The following PURB variants were observed in gnomAD, a reference collection of about 807,000 sequenced individuals.
PURB encodes the protein transcriptional regulator protein Pur-beta.
Under a neutral mutation model 21.1 loss-of-function variants are expected in PURB, and 11 were observed. That is an observed-to-expected ratio of 0.52 (90% CI 0.33 to 0.86). The LOEUF is 0.86. Among genes scored for constraint, PURB ranks in the 40% least tolerant of loss-of-function variants. PURB has a pLI of 0.02. For missense variants in PURB, 357 were observed against 456.5 expected (o/e 0.78, Z 1.99); for synonymous variants, 246 against 210.8 (o/e 1.17, Z -1.45).
Position 44,885,285 on chromosome 7 carries a change from C to G in PURB, c.64G>C (p.Ala22Pro). The G allele has an allele frequency of 1.3e-6, 2 of 1,531,616 alleles. No individual in the cohort carries two copies. The highest frequency in any genetic ancestry group is 1.7e-6 in the Non-Finnish European group (2 of 1,150,364). The allele number at this position is 1,531,616 out of a possible 1,614,324, so 94.9% of individuals were successfully genotyped here. A position where few individuals can be genotyped will look rare whatever the true frequency, so the allele number is the denominator to read the frequency against. Residue 22 changes from alanine (A) to proline (P), a missense_variant, in exon 1 of 1, where the codon GCG becomes CCG. Transcript: ENST00000395699. ...GGGGPCGFQP[A>P]SRGGGEQETQ... ...TCTTGCTCGCCGCCGCCGCGGGACG[C>G]GGGCTGGAACCCGCACGGCCCACCG...
Position 44,885,163 on chromosome 7 carries a change from G to A in PURB, c.186C>T (p.Ala62=), listed in dbSNP as rs550671105. The A allele has an allele frequency of 1.6e-5, 26 of 1,582,220 alleles. No homozygotes were observed. In the East Asian group the frequency reaches 5.2e-4, roughly 32 times the overall value. Residue 62 remains alanine (A), a synonymous_variant, in exon 1 of 1, where the codon GCC becomes GCT. Coordinates refer to ENST00000395699, the MANE Select transcript of PURB (RefSeq NM_033224.5). ...QNAKGRFLKI[A]EVGAGGSKSR... is the part of the protein sequence containing the mutation. ...TCTTGGAACCGCCCGCGCCCACCTC[G>A]GCGATCTTGAGGAAGCGGCCCTTGG...
In PURB at chr7:44,885,393, C is replaced by T; in HGVS notation, c.-45G>A. 2 of 803,190 alleles carry T rather than the reference C, an allele frequency of 2.5e-6. No homozygotes were observed. Among genetic ancestry groups the T allele is most frequent in the Non-Finnish European group, 3.1e-6 (2 of 652,106 alleles). The allele number at this position is 803,190 out of a possible 1,614,324, so 49.8% of individuals were successfully genotyped here. A position where few individuals can be genotyped will look rare whatever the true frequency, so the allele number is the denominator to read the frequency against. On this transcript the variant is annotated 5_prime_UTR_variant, in exon 1 of 1. Transcript: ENST00000395699. ...CCGCCACCGCCCGCCGCGCTCGCGC[C>T]CCCGCCCTCCGGCTCGCGCTCCGGG...
Position 44,884,714 on chromosome 7 carries a change from C to A in PURB, c.635G>T (p.Gly212Val). ...GGPGGGAGGP[G>V]GGLYGELPEG... ...CGGGAGCTCTCCATACAGGCCGCCC[C>A]CTGGGCCCCCGGCGCCGCCTCCCGG... Residue 212 changes from glycine to valine, a missense_variant, in exon 1 of 1, where the codon GGG (glycine) becomes GTG (valine). Physicochemically the swap from Gly to Val is moderately radical, Grantham distance 109. Transcript: ENST00000395699. 6.2e-7 allele frequency: 1 copy of A among 1,613,276 alleles called. No homozygotes were observed. The highest frequency in any genetic ancestry group is 1.3e-5 in the African/African-American group (1 of 75,038).
In PURB at chr7:44,885,178, G is replaced by A. The variant is rs1208964011; in HGVS notation, c.171C>T (p.Arg57=). The A allele has an allele frequency of 1.1e-5, 17 of 1,585,866 alleles. No individual in the cohort carries two copies. The highest frequency in any genetic ancestry group is 2.3e-5 in the South Asian group (2 of 88,598). The change falls in exon 1 of 1, where the codon CGC becomes CGT. Residue 57 remains arginine, a synonymous_variant. Transcript: ENST00000395699. The stretch of plus-strand genomic sequence containing the variant: ...CGCCCACCTCGGCGATCTTGAGGAA[G>A]CGGCCCTTGGCGTTCTGCTTCACAT... ...YLDVKQNAKG[R]FLKIAEVGAG... is the part of the protein sequence containing the mutation.
chr7:44,885,384 C>A lies in PURB; in HGVS notation c.-36G>T. The stretch of plus-strand genomic sequence containing the variant: ...GCCGCCTCGCCGCCACCGCCCGCCG[C>A]GCTCGCGCCCCCGCCCTCCGGCTCG... On this transcript the variant is annotated 5_prime_UTR_variant, in exon 1 of 1. Coordinates refer to ENST00000395699, the MANE Select transcript of PURB (RefSeq NM_033224.5). 1.1e-6 allele frequency: 1 copy of A among 903,498 alleles called. No individual in the cohort carries two copies. The highest frequency in any genetic ancestry group is 1.4e-6 in the Non-Finnish European group (1 of 733,482). 56.0% of individuals were successfully genotyped at this position (903,498 alleles called of 1,614,324 possible).
rs1793829928 is a variant in PURB at position 44,878,397 on chromosome 7, A to G, written c.*6013T>C. 1 of 152,238 alleles carries G rather than the reference A, an allele frequency of 6.6e-6. No individual in the cohort carries two copies. Among genetic ancestry groups the G allele is most frequent in the South Asian group, 2.1e-4 (1 of 4,834 alleles). 9.4% of individuals were successfully genotyped at this position (152,238 alleles called of 1,614,324 possible). The stretch of plus-strand genomic sequence containing the variant: ...CTCAAAATCTGTTGACACTTAAAGT[A>G]TAATTATACTTTTTTATTAAACTGT... On this transcript the variant is annotated 3_prime_UTR_variant, in exon 1 of 1. Transcript: ENST00000395699.
rs1211406405 is a variant in PURB, at chr7:44,884,060, T to C, written c.*350A>G. 3.1e-6 allele frequency: 1 copy of C among 317,966 alleles called. No individual in the cohort carries two copies. The highest frequency in any genetic ancestry group is 4.7e-5 in the Admixed American group (1 of 21,398). 19.7% of individuals were successfully genotyped at this position (317,966 alleles called of 1,614,324 possible). On this transcript the variant is annotated 3_prime_UTR_variant, in exon 1 of 1. Transcript: ENST00000395699. ...ATCAATGGTCTGGGTAACTTGGACA[T>C]GTTTCTTGCCCTGGATGTGCAAGGA...
At position 44,882,375 on chromosome 7, in the gene PURB, G is replaced by T. The variant is rs925945236; in HGVS notation, c.*2035C>A. On this transcript the variant is annotated 3_prime_UTR_variant, in exon 1 of 1. Transcript: ENST00000395699. ...CTTTGCAACGGAGAAAAATTTAAAA[G>T]AAAAGCTTTAAAAAAATCTGTTTAA... 1 of 152,530 alleles carries T rather than the reference G, an allele frequency of 6.6e-6. No homozygotes were observed. The highest frequency in any genetic ancestry group is 2.4e-5 in the African/African-American group (1 of 41,426). The allele number at this position is 152,530 out of a possible 1,614,324, so 9.4% of individuals were successfully genotyped here.
At position 44,881,685 on chromosome 7, in the gene PURB, T is replaced by C. The variant is rs1033405354; in HGVS notation, c.*2725A>G. 1.3e-5 allele frequency: 2 copies of C among 153,518 alleles called. No individual in the cohort carries two copies. The highest frequency in any genetic ancestry group is 2.9e-5 in the Non-Finnish European group (2 of 68,208). The allele number at this position is 153,518 out of a possible 1,614,324, so 9.5% of individuals were successfully genotyped here. ...TTGATATCTAAAGATTTACATATGA[T>C]ATATTACTGTTACATGGTCTAATGA... On this transcript the variant is annotated 3_prime_UTR_variant, in exon 1 of 1. Transcript: ENST00000395699.
rs1287095217 is a variant in PURB, at chr7:44,878,958, T to G, written c.*5452A>C. The G allele has an allele frequency of 6.6e-6, 1 of 152,210 alleles. No homozygotes were observed. Among genetic ancestry groups the G allele is most frequent in the Non-Finnish European group, 1.5e-5 (1 of 68,032 alleles). The allele number at this position is 152,210 out of a possible 1,614,324, so 9.4% of individuals were successfully genotyped here. A position where few individuals can be genotyped will look rare whatever the true frequency, so the allele number is the denominator to read the frequency against. ...CTGAAACTTCTGGGGGGCTAATACT[T>G]GAAAATTAAGGACTTTGTTTTTTCT... On this transcript the variant is annotated 3_prime_UTR_variant, in exon 1 of 1. Coordinates refer to ENST00000395699, the MANE Select transcript of PURB (RefSeq NM_033224.5).
rs891897969 is a variant in PURB, at chr7:44,881,243, C to G, written c.*3167G>C. ...TGTTTGCCAAGCTTAAAAAAAAAGG[C>G]TCAAAATCATTCATAGCAACAACTG... is the stretch of plus-strand genomic sequence containing the variant. On this transcript the variant is annotated 3_prime_UTR_variant, in exon 1 of 1. Transcript: ENST00000395699. The G allele has an allele frequency of 1.3e-5, 2 of 152,020 alleles. No homozygotes were observed. The highest frequency in any genetic ancestry group is 2.9e-5 in the Non-Finnish European group (2 of 67,990). 9.4% of individuals were successfully genotyped at this position (152,020 alleles called of 1,614,324 possible).
At position 44,882,585 on chromosome 7, in the gene PURB, T is replaced by C. The variant is rs1793893112; in HGVS notation, c.*1825A>G. The stretch of plus-strand genomic sequence containing the variant: ...CAGCCACAAATACATGAAAACCTTT[T>C]TGTATATTACTCATTTCCCAATAAA... On this transcript the variant is annotated 3_prime_UTR_variant, in exon 1 of 1. Coordinates refer to ENST00000395699, the MANE Select transcript of PURB (RefSeq NM_033224.5). 6.6e-6 allele frequency: 1 copy of C among 152,268 alleles called. No individual in the cohort carries two copies. Among genetic ancestry groups the C allele is most frequent in the African/African-American group, 2.4e-5 (1 of 41,444 alleles). 9.4% of individuals were successfully genotyped at this position (152,268 alleles called of 1,614,324 possible).
Position 44,884,169 on chromosome 7 carries a change from A to T in PURB, c.*241T>A. On this transcript the variant is annotated 3_prime_UTR_variant, in exon 1 of 1. Transcript: ENST00000395699. ...AAGCTGAGACAATTTTACGCAGGTG[A>T]GGAGATGCTGTTTTCCTCTTTGCAG... The T allele has an allele frequency of 2.3e-6, 2 of 876,412 alleles. No individual in the cohort carries two copies. Among genetic ancestry groups the T allele is most frequent in the Non-Finnish European group, 3.3e-6 (2 of 598,710 alleles). The allele number at this position is 876,412 out of a possible 1,614,324, so 54.3% of individuals were successfully genotyped here.
Position 44,885,377 on chromosome 7 carries a change from C to A in PURB, c.-29G>T. The A allele has an allele frequency of 1.0e-6, 1 of 990,842 alleles. No individual in the cohort carries two copies. The highest frequency in any genetic ancestry group is 1.2e-6 in the Non-Finnish European group (1 of 801,156). 61.4% of individuals were successfully genotyped at this position (990,842 alleles called of 1,614,324 possible). A position where few individuals can be genotyped will look rare whatever the true frequency, so the allele number is the denominator to read the frequency against. ...CTAGGCCGCCGCCTCGCCGCCACCG[C>A]CCGCCGCGCTCGCGCCCCCGCCCTC... On this transcript the variant is annotated 5_prime_UTR_variant, in exon 1 of 1. Coordinates refer to ENST00000395699, the MANE Select transcript of PURB (RefSeq NM_033224.5).
Position 44,884,403 on chromosome 7 carries a change from G to A in PURB, c.*7C>T. On this transcript the variant is annotated 3_prime_UTR_variant, in exon 1 of 1. Coordinates refer to ENST00000395699, the MANE Select transcript of PURB (RefSeq NM_033224.5). ...TGGGTGGAGGCCTGTAGGGGAAGCT[G>A]CCCGTTTCAATCCTCATCCACCTCC... 6.2e-7 allele frequency: 1 copy of A among 1,611,152 alleles called. No homozygotes were observed.
rs1793811838 is a variant in PURB at position 44,877,100 on chromosome 7, A to G, written c.*7310T>C. On this transcript the variant is annotated 3_prime_UTR_variant, in exon 1 of 1. Coordinates refer to ENST00000395699, the MANE Select transcript of PURB (RefSeq NM_033224.5). The stretch of plus-strand genomic sequence containing the variant: ...CAAGATTTGGTTTTAATTCATTCAA[A>G]TTATTTCTGTAGATTCTCTACTGGC... 1 of 152,620 alleles carries G rather than the reference A, an allele frequency of 6.6e-6. No homozygotes were observed. Among genetic ancestry groups the G allele is most frequent in the Admixed American group, 6.5e-5 (1 of 15,286 alleles). 9.5% of individuals were successfully genotyped at this position (152,620 alleles called of 1,614,324 possible).
At position 44,882,218 on chromosome 7, in the gene PURB, C is replaced by T. The variant is rs1793887321; in HGVS notation, c.*2192G>A. The T allele has an allele frequency of 6.6e-6, 1 of 152,542 alleles. No homozygotes were observed. Among genetic ancestry groups the T allele is most frequent in the Admixed American group, 6.6e-5 (1 of 15,260 alleles). 9.4% of individuals were successfully genotyped at this position (152,542 alleles called of 1,614,324 possible). ...TCTCCGCAGCAAAGAAATAGACACT[C>T]AAAACACGTAGGTAAATACAGCAGG... On this transcript the variant is annotated 3_prime_UTR_variant, in exon 1 of 1. Transcript: ENST00000395699.
chr7:44,881,481 A>G lies in PURB; in HGVS notation c.*2929T>C, dbSNP rs1793874814. 1 of 152,596 alleles carries G rather than the reference A, an allele frequency of 6.6e-6. No homozygotes were observed. The highest frequency in any genetic ancestry group is 2.4e-5 in the African/African-American group (1 of 41,440). The allele number at this position is 152,596 out of a possible 1,614,324, so 9.5% of individuals were successfully genotyped here. ...TGCAATCTTCCTGCAGTGGGAAGAG[A>G]GGCCATGAACCATCCCTTGCAGGAG... is the stretch of plus-strand genomic sequence containing the variant. On this transcript the variant is annotated 3_prime_UTR_variant, in exon 1 of 1. Transcript: ENST00000395699.
At position 44,884,976 on chromosome 7, in the gene PURB, C is replaced by T. The variant is rs760461478; in HGVS notation, c.373G>A (p.Val125Met). 3.2e-6 allele frequency: 5 copies of T among 1,567,228 alleles called. No individual in the cohort carries two copies. The East Asian group carries it at 1.2e-4, about 37-fold the overall frequency. Residue 125 changes from valine (V) to methionine (M), a missense_variant, in exon 1 of 1, where the codon GTG becomes ATG. By Grantham distance (21) the Val-to-Met change is conservative (BLOSUM62 1). Coordinates refer to ENST00000395699, the MANE Select transcript of PURB (RefSeq NM_033224.5). The stretch of plus-strand genomic sequence containing the variant: ...AGGTAGTACTTGCGGTTCTCACGCA[C>T]CAAGAATTCGCTCTTGAGCGCGCGC... ...PRRALKSEFLVRENRKYYLDL... is the reference protein window; with the variant it reads ...PRRALKSEFLMRENRKYYLDL...
Sources: gnomAD v4.1 joint callset for allele counts on GRCh38, gnomAD v4.1.1 for gene constraint, MANE v1.5 for transcripts, NCBI Gene and HGNC (gene_info 2026-07-23, HGNC 2026-07-21) for gene names.